The following DSCAM variants were observed in gnomAD, a reference collection of about 807,000 sequenced individuals.
The protein encoded by DSCAM is DS cell adhesion molecule.
A neutral mutation model predicts 217.7 loss-of-function variants in DSCAM; 47 were observed. That is an observed-to-expected ratio of 0.22 (90% confidence interval 0.17 to 0.28). DSCAM has a LOEUF of 0.28. Among genes scored for constraint, DSCAM ranks in the 10% least tolerant of loss-of-function variants. The pLI is 1.00. For missense variants in DSCAM, 2,080 were observed against 2,618.3 expected, an observed-to-expected ratio of 0.79 and a Z score of 4.49; for synonymous variants, 1,056 against 1,015.3, an observed-to-expected ratio of 1.04 and a Z score of -0.76.
At chr21:40,376,446 T>TCG (rs2074952925) in intron 3 of DSCAM, among the ~76,000 whole-genome samples, 2 of 144,336 alleles carry the variant, frequency 1.4e-5, no homozygotes, top group African/African-American at 5.1e-5. Context: ...ATATCTTATA[T>TCG]AGATATCTAT....
intron 11 of DSCAM, among the ~76,000 whole-genome samples, chr21:40,215,717 C>A (rs1554939): frequency 6.6e-6 from 1 of 151,734 alleles, no homozygotes; most frequent in South Asian, 2.1e-4. Context: ...TTGGGTGATG[C>A]GTGCACTAAA....
rs374663472 is a variant in DSCAM, at chr21:40,505,267, T to G, written c.509-136022A>C. 4.7e-4 allele frequency among the ~76,000 whole-genome samples: 71 copies of G among 152,340 alleles called. 1 individual carries two copies. The South Asian group carries it at 0.014, about 30-fold the overall frequency. On this transcript the variant is annotated intron_variant, in intron 3 of 32. Coordinates refer to ENST00000400454, the MANE Select transcript of DSCAM (RefSeq NM_001389.5). ...AAACTGCCAGAGATTCAGCACAGTT[T>G]GAAAATGACAATTTTTTTGTTGTTG... is the stretch of plus-strand genomic sequence containing the variant.
At chr21:40,244,432 C>G (rs1404208891) in intron 11 of DSCAM, among the ~76,000 whole-genome samples, 1 of 141,136 alleles carries the variant, frequency 7.1e-6, no homozygotes, top group South Asian at 2.2e-4. Context: ...GCCTGGGTGA[C>G]AGAATGAGAC....
At chr21:40,080,105 G>T in intron 25 of DSCAM, 47 bp downstream of exon 25, 2 of 1,273,118 alleles carry the variant, frequency 1.6e-6, no homozygotes, top group East Asian at 3.0e-5. Context: ...TCCTCTTCTG[G>T]CCGGGAAAAG....
At chr21:40,546,079 C>T (rs954769236) in intron 3 of DSCAM, among the ~76,000 whole-genome samples, 1 of 152,254 alleles carries the variant, frequency 6.6e-6, no homozygotes, top group African/African-American at 2.4e-5. Flanking sequence ...GGCACTCATT[C>T]TGTCTTCCCT....
intron 3 of DSCAM, among the ~76,000 whole-genome samples, chr21:40,639,296 G>A (rs1267438621): frequency 6.6e-6 from 1 of 152,104 alleles, no homozygotes; most frequent in African/African-American, 2.4e-5. Context: ...TATGTATGTT[G>A]TCCAGTAGAA....
intron 3 of DSCAM, among the ~76,000 whole-genome samples, chr21:40,631,992 C>G (rs1414388932): frequency 1.3e-5 from 2 of 152,238 alleles, no homozygotes; most frequent in Non-Finnish European, 2.9e-5. Flanking sequence ...GTCTGCCTCC[C>G]TGCGCTACTG....
intron 3 of DSCAM, among the ~76,000 whole-genome samples, chr21:40,585,965 G>A (rs542697983): frequency 6.6e-6 from 1 of 152,128 alleles, no homozygotes; most frequent in Admixed American, 6.5e-5. Context: ...CAAGCGATTC[G>A]CCTGCCTCAG....
intron 32 of DSCAM, among the ~76,000 whole-genome samples, chr21:40,033,303 G>A (rs1351849002): frequency 2.0e-5 from 3 of 152,064 alleles, no homozygotes; most frequent in Admixed American, 1.3e-4. Flanking sequence ...AGTGGGCGCA[G>A]GTCAGTGGGT....
At chr21:40,474,100 C>T (rs2075912729) in intron 3 of DSCAM, among the ~76,000 whole-genome samples, 1 of 152,026 alleles carries the variant, frequency 6.6e-6, no homozygotes, top group Admixed American at 6.6e-5. Flanking sequence ...CAAGACCAGC[C>T]TGGCCAACAT....
At chr21:40,553,981 G>T (rs1045663450) in intron 3 of DSCAM, among the ~76,000 whole-genome samples, 1 of 152,164 alleles carries the variant, frequency 6.6e-6, no homozygotes, top group East Asian at 1.9e-4. Flanking sequence ...GAATCAGGGT[G>T]CTTGTCATTG....
At chr21:40,198,762 G>A (rs751870438) in intron 11 of DSCAM, among the ~76,000 whole-genome samples, 3 of 152,228 alleles carry the variant, frequency 2.0e-5, no homozygotes, top group African/African-American at 4.8e-5. Context: ...AGTGGGAGGT[G>A]GGATGACATG....
chr21:40,184,662 T>C (rs1306569807), intron 14 of DSCAM, among the ~76,000 whole-genome samples: 1 of 152,216 alleles, frequency 6.6e-6, no homozygotes, highest in Non-Finnish European at 1.5e-5. Flanking sequence ...TTGATAATAA[T>C]GATTCTTAGA....
chr21:40,494,816 A>T (rs375226207), intron 3 of DSCAM, among the ~76,000 whole-genome samples: 15 of 147,844 alleles, frequency 1.0e-4, no homozygotes, highest in African/African-American at 3.7e-4. Context: ...CAACAAAACT[A>T]AAGTTGGGTT....
intron 4 of DSCAM, among the ~76,000 whole-genome samples, chr21:40,359,387 ATAC>A (rs1487183250): frequency 6.6e-6 from 1 of 152,212 alleles, no homozygotes; most frequent in Non-Finnish European, 1.5e-5. Context: ...GTATTGTGGT[ATAC>A]TTGCCAAATA....
chr21:40,754,448 A>C (rs1317595051), intron 1 of DSCAM, among the ~76,000 whole-genome samples: 3 of 152,214 alleles, frequency 2.0e-5, no homozygotes, highest in Non-Finnish European at 2.9e-5. Context: ...CAATAAAAGG[A>C]AGACGGTCAA....
intron 3 of DSCAM, among the ~76,000 whole-genome samples, chr21:40,629,142 C>T (rs1023253440): frequency 6.6e-6 from 1 of 151,282 alleles, no homozygotes; most frequent in Non-Finnish European, 1.5e-5. Context: ...CTATGGCAAG[C>T]ACTTAGGATG....
chr21:40,033,429 A>G (rs2146453942), intron 32 of DSCAM, among the ~76,000 whole-genome samples: 1 of 152,226 alleles, frequency 6.6e-6, no homozygotes, highest in East Asian at 1.9e-4. Context: ...CACCTGGAAA[A>G]TCGGGTCACT....
At position 40,144,076 on chromosome 21, in the gene DSCAM, G is replaced by A. The variant is rs1601379548; in HGVS notation, c.3259+415C>T. ...TGAAAATTCCTTTTCTCTGTACTCA[G>A]AATGCTTGAAAATAGGAAACAATGA... On this transcript the variant is annotated intron_variant, in intron 17 of 32. Transcript: ENST00000400454. This position sits in a 1 kb window ranked among gnomAD's most constrained non-coding sequence, Gnocchi z 4.8. 6.6e-6 allele frequency among the ~76,000 whole-genome samples: 1 copy of A among 151,084 alleles called. No homozygotes were observed. The highest frequency in any genetic ancestry group is 6.6e-5 in the Admixed American group (1 of 15,054).
Sources: gnomAD v4.1 joint callset for allele counts (sites outside exome capture counted in the v4.1 genomes callset) on GRCh38, gnomAD v4.1.1 for gene constraint, Gnocchi (gnomAD v3.1) non-coding constraint, MANE v1.5 for transcripts, NCBI Gene and HGNC (gene_info 2026-07-23, HGNC 2026-07-21) for gene names.